ZMYM4: variants seen among roughly 807,000 people sequenced by gnomAD.
ZMYM4 encodes the protein zinc finger MYM-type protein 4.
ZMYM4 carries 31 observed loss-of-function variants against 183.2 expected under a neutral mutation model. That is an observed-to-expected ratio of 0.17 (90% confidence interval 0.13 to 0.23). The LOEUF is 0.23. Ranked by LOEUF, ZMYM4 falls within the 10% of genes least tolerant of loss-of-function variation. The probability of loss-of-function intolerance (pLI) is 1.00; values close to 1 mark genes in which losing one functional copy is unlikely to be tolerated. For synonymous variants in ZMYM4, 592 were observed against 631.2 expected (o/e 0.94, Z 0.93); for missense variants, 1,273 against 1,840.3 (o/e 0.69, Z 5.64).
At position 35,359,111 on chromosome 1, in the gene ZMYM4, A is replaced by G. The variant is rs749383273; in HGVS notation, c.272A>G (p.Asp91Gly). ...GIPVVGSDNE[D>G]EQDFSSKDNL... ...CCAGTCGTTGGTAGTGACAATGAGGATGAACAGGATTTTAGTTCAAAGGAC... is the reference window on the plus strand; with the variant it reads ...CCAGTCGTTGGTAGTGACAATGAGGGTGAACAGGATTTTAGTTCAAAGGAC... Residue 91 changes from aspartate (D) to glycine (G), a missense_variant, in exon 3 of 30, where the codon GAT becomes GGT. This residue lies in a region of ZMYM4 where 384 missense variants were observed against 465.6 expected (regional missense o/e 0.82). Transcript: ENST00000314607. 4.3e-6 allele frequency: 7 copies of G among 1,613,736 alleles called. No individual in the cohort carries two copies. In the East Asian group the frequency reaches 1.6e-4, roughly 36 times the overall value.
chr1:35,390,273 G>A (rs188981202), intron 15 of ZMYM4, among the ~76,000 whole-genome samples, 175 bp downstream of exon 15: 4 of 152,022 alleles, frequency 2.6e-5, no homozygotes, highest in East Asian at 3.9e-4. Context: ...TTTCACTGTC[G>A]TCCGTGTGAA....
Position 35,413,638 on chromosome 1 carries a change from C to T in ZMYM4, c.3949-334C>T, listed in dbSNP as rs764675505. ...GAATCAGGAAAAACATGATTTGGAA[C>T]GTGTGCATTGGAACCAAGTTTTAGT... On this transcript the variant is annotated intron_variant, in intron 26 of 29. Transcript: ENST00000314607. Among the ~76,000 whole-genome samples, 6 of 152,218 alleles carry T rather than the reference C, an allele frequency of 3.9e-5. No homozygotes were observed. The South Asian group carries it at 6.2e-4, about 16-fold the overall frequency.
At chr1:35,391,011 T>A (rs1042371402) in intron 15 of ZMYM4, among the ~76,000 whole-genome samples, 1 of 152,082 alleles carries the variant, frequency 6.6e-6, no homozygotes, top group South Asian at 2.1e-4. Context: ...CCCAGCTGGA[T>A]GATATAGTGA....
At chr1:35,379,497 A>G (rs1196079028) in intron 7 of ZMYM4, among the ~76,000 whole-genome samples, 1 of 152,166 alleles carries the variant, frequency 6.6e-6, no homozygotes, top group Non-Finnish European at 1.5e-5. Flanking sequence ...CGGCCTTCCA[A>G]AGTGCTGGCA....
chr1:35,340,467 C>T (rs573556078), intron 2 of ZMYM4, among the ~76,000 whole-genome samples: 1 of 151,816 alleles, frequency 6.6e-6, no homozygotes, highest in African/African-American at 2.4e-5. Flanking sequence ...TTATACAGCA[C>T]ATTATAATGT....
At chr1:35,274,616 T>TAAA (rs75013095) in intron 1 of ZMYM4, among the ~76,000 whole-genome samples, 1,726 of 134,544 alleles carry the variant, frequency 0.013, 48 homozygotes, top group African/African-American at 0.048. Context: ...TTTTTTTTTT[T>TAAA]AAAAAAAAAA....
In ZMYM4 at chr1:35,399,006, G is replaced by A. The variant is rs758889568; in HGVS notation, c.3396G>A (p.Gly1132=). ...ADSELKQFSK[G]ETEQDLEADF... Reference sequence around the variant, plus strand: ...CAGAATTGAAGCAGTTCTCAAAAGGGGAAACTGAACAGGACCTGGAAGCAG... The same window carrying A: ...CAGAATTGAAGCAGTTCTCAAAAGGAGAAACTGAACAGGACCTGGAAGCAG... The change falls in exon 22 of 30, where the codon GGG becomes GGA. Residue 1132 remains glycine, a synonymous_variant. Coordinates refer to ENST00000314607, the MANE Select transcript of ZMYM4 (RefSeq NM_005095.3). 6.2e-7 allele frequency: 1 copy of A among 1,614,096 alleles called. No individual in the cohort carries two copies. The highest frequency in any genetic ancestry group is 8.5e-7 in the Non-Finnish European group (1 of 1,179,976).
intron 1 of ZMYM4, among the ~76,000 whole-genome samples, chr1:35,283,768 G>A (rs1640317552): frequency 6.6e-6 from 1 of 151,916 alleles, no homozygotes. Context: ...CTTTGTGCAT[G>A]TTTTTTAATT....
At chr1:35,382,744 C>T (rs1395405873) in intron 9 of ZMYM4, among the ~76,000 whole-genome samples, 3 of 151,962 alleles carry the variant, frequency 2.0e-5, no homozygotes, top group South Asian at 2.1e-4. Flanking sequence ...CCACCACGCC[C>T]GGCCAGTATG....
intron 1 of ZMYM4, among the ~76,000 whole-genome samples, chr1:35,318,738 A>G (rs1314109482): frequency 6.6e-6 from 1 of 151,986 alleles, no homozygotes; most frequent in Non-Finnish European, 1.5e-5. Flanking sequence ...GATTACAGGC[A>G]TGTACCACTG....
chr1:35,412,911 A>G (rs923742056), intron 26 of ZMYM4, among the ~76,000 whole-genome samples: 2 of 152,138 alleles, frequency 1.3e-5, no homozygotes, highest in African/African-American at 4.8e-5. Context: ...CAAGATAGCC[A>G]CAGAAATATA....
chr1:35,306,515 A>T lies in ZMYM4; in HGVS notation c.40-18845A>T, dbSNP rs528340911. Reference sequence around the variant, plus strand: ...TTCTTTTTGTTTCATTTTATTTTTTAAAATATCCATTAGTTTTTTGGTCTT... The same window carrying T: ...TTCTTTTTGTTTCATTTTATTTTTTTAAATATCCATTAGTTTTTTGGTCTT... On this transcript the variant is annotated intron_variant, in intron 1 of 29. Coordinates refer to ENST00000314607, the MANE Select transcript of ZMYM4 (RefSeq NM_005095.3). Among the ~76,000 whole-genome samples, 4 of 152,262 alleles carry T rather than the reference A, an allele frequency of 2.6e-5. No homozygotes were observed. In the East Asian group the frequency reaches 7.7e-4, roughly 29 times the overall value.
At chr1:35,413,856 G>T in intron 26 of ZMYM4, 116 bp from the exon 27 acceptor site, 2 of 600,988 alleles carry the variant, frequency 3.3e-6, no homozygotes, top group South Asian at 4.8e-5. Context: ...GTTAAACATG[G>T]TTTATAATAT....
In ZMYM4 at chr1:35,363,007, C is replaced by T. The variant is rs373863103; in HGVS notation, c.840+1218C>T. ...CCAACCTGGTGAAATCCCATCTCTA[C>T]TAAAAATACAAAAAATTAGCCAGGC... On this transcript the variant is annotated intron_variant, in intron 5 of 29. Coordinates refer to ENST00000314607, the MANE Select transcript of ZMYM4 (RefSeq NM_005095.3). Among the ~76,000 whole-genome samples the T allele has an allele frequency of 1.2e-3, 178 of 152,308 alleles. 1 individual carries two copies. In the Middle Eastern group the frequency reaches 0.014, roughly 12 times the overall value.
intron 2 of ZMYM4, among the ~76,000 whole-genome samples, chr1:35,331,865 C>G (rs1642768229): frequency 6.6e-6 from 1 of 151,352 alleles, no homozygotes; most frequent in Admixed American, 6.6e-5. Flanking sequence ...AACTCTGACA[C>G]TAAAAAGGAG....
At position 35,388,942 on chromosome 1, in the gene ZMYM4, A is replaced by G; in HGVS notation, c.2296A>G (p.Lys766Glu). The G allele has an allele frequency of 1.9e-6, 3 of 1,613,994 alleles. No individual in the cohort carries two copies. Among genetic ancestry groups the G allele is most frequent in the Non-Finnish European group, 2.5e-6 (3 of 1,179,972 alleles). ...CKLLYKHDLA[K>E]RWGNHCKMCS... ...ATTGCTTTATAAACATGACTTGGCAAAACGCTGGGGAAATCACTGTAAAAT... is the reference window on the plus strand; with the variant it reads ...ATTGCTTTATAAACATGACTTGGCAGAACGCTGGGGAAATCACTGTAAAAT... The change falls in exon 14 of 30, where the codon AAA becomes GAA. Residue 766 changes from lysine (K) to glutamate (E), a missense_variant. By Grantham distance (56) the Lys-to-Glu change is moderately conservative (BLOSUM62 1). Transcript: ENST00000314607.
At chr1:35,403,451 A>G (rs1252486022) in intron 23 of ZMYM4, among the ~76,000 whole-genome samples, 1 of 151,902 alleles carries the variant, frequency 6.6e-6, no homozygotes, top group East Asian at 1.9e-4. Flanking sequence ...ATGCCTGGGT[A>G]ATTTTTGTAT....
At chr1:35,384,146 T>G (rs148649457) in intron 9 of ZMYM4, among the ~76,000 whole-genome samples, 2,533 of 152,216 alleles carry the variant, frequency 0.017, 66 homozygotes, top group African/African-American at 0.057. Context: ...GATGGAAGTA[T>G]TATGGGTACA....
intron 1 of ZMYM4, among the ~76,000 whole-genome samples, chr1:35,294,145 A>G (rs1640897537): frequency 6.6e-6 from 1 of 152,000 alleles, no homozygotes; most frequent in Non-Finnish European, 1.5e-5. Flanking sequence ...AAAAAAAAAA[A>G]AAAGGAATCA....
Sources: gnomAD v4.1 joint callset for allele counts (sites outside exome capture counted in the v4.1 genomes callset) on GRCh38, gnomAD v4.1.1 for gene constraint, gnomAD v4.1.1 regional missense constraint, MANE v1.5 for transcripts, NCBI Gene and HGNC (gene_info 2026-07-23, HGNC 2026-07-21) for gene names.